C3orf70: variants seen among roughly 807,000 people sequenced by gnomAD.
C3orf70 encodes chromosome 3 open reading frame 70.
Under a neutral mutation model 20.7 loss-of-function variants are expected in C3orf70, and 15 were observed. That is an observed-to-expected ratio of 0.72 (90% CI 0.48 to 1.11). The LOEUF (loss-of-function observed/expected upper bound fraction) is 1.11, where lower values mean the gene tolerates loss of function less well. C3orf70 is among the 50% of genes most tolerant of loss of function. The probability of loss-of-function intolerance (pLI) is 0.00; values close to 1 mark genes in which losing one functional copy is unlikely to be tolerated. For synonymous variants in C3orf70, 161 were observed against 125.7 expected (o/e 1.28, Z -1.88); for missense variants, 332 against 317.6 (o/e 1.05, Z -0.34).
At chr3:185,130,105 A>G (rs1218041376) in intron 1 of C3orf70, among the ~76,000 whole-genome samples, 4 of 152,124 alleles carry the variant, frequency 2.6e-5, no homozygotes, top group African/African-American at 9.7e-5. Context: ...ATGTTTTGTC[A>G]ATTATTCACA....
chr3:185,091,736 G>A (rs1715573928), intron 1 of C3orf70, among the ~76,000 whole-genome samples: 1 of 149,448 alleles, frequency 6.7e-6, no homozygotes, highest in Non-Finnish European at 1.5e-5. Flanking sequence ...GCAGGCTGGA[G>A]TGCAGTGGTG....
chr3:185,124,257 G>A (rs750621526), intron 1 of C3orf70, among the ~76,000 whole-genome samples: 11 of 152,150 alleles, frequency 7.2e-5, no homozygotes, highest in Non-Finnish European at 1.6e-4. Flanking sequence ...TAGGTACCAA[G>A]GAATGACTGT....
chr3:185,083,972 G>C (rs1329145185), intron 1 of C3orf70, among the ~76,000 whole-genome samples: 1 of 152,162 alleles, frequency 6.6e-6, no homozygotes, highest in East Asian at 1.9e-4. Flanking sequence ...ATCACTTTAG[G>C]TCAGGAGTTC....
At chr3:185,152,331 GA>G (rs1020038854) in intron 1 of C3orf70, among the ~76,000 whole-genome samples, 1 of 151,976 alleles carries the variant, frequency 6.6e-6, no homozygotes, top group African/African-American at 2.4e-5. Flanking sequence ...AAAAAGAAAA[GA>G]AAAAAAACCA....
At chr3:185,086,847 C>T (rs1283789536) in intron 1 of C3orf70, among the ~76,000 whole-genome samples, 1 of 152,144 alleles carries the variant, frequency 6.6e-6, no homozygotes. Context: ...AAAAAACAAC[C>T]TTTAGTAATC....
In C3orf70 at chr3:185,083,267, G is replaced by GTGC. The variant is rs747541985; in HGVS notation, c.490_492dup (p.Ala164dup). ...CTCTCTTTTGAAATTAAGGCATCGT[G>GTGC]TGCAGAGACCTCCTCAGGGCTCATT... is the stretch of plus-strand genomic sequence containing the variant. On this transcript the variant is annotated inframe_insertion, in exon 2 of 2. Coordinates refer to ENST00000335012, the MANE Select transcript of C3orf70 (RefSeq NM_001025266.3). 2 of 1,614,206 alleles carry GTGC rather than the reference G, an allele frequency of 1.2e-6. No homozygotes were observed. Among genetic ancestry groups the GTGC allele is most frequent in the South Asian group, 2.2e-5 (2 of 91,086 alleles).
Position 185,114,792 on chromosome 3 carries a change from T to A in C3orf70, c.197-31229A>T, listed in dbSNP as rs1236363465. ...ATGACTTAATAAGCTAACACCAGAA[T>A]CAGATTAAAATCCAGATCTCCAGAC... On this transcript the variant is annotated intron_variant, in intron 1 of 1. Transcript: ENST00000335012. 5.3e-5 allele frequency among the ~76,000 whole-genome samples: 8 copies of A among 152,298 alleles called. No homozygotes were observed. The East Asian group carries it at 1.5e-3, about 29-fold the overall frequency.
At chr3:185,092,916 G>A (rs1174286659) in intron 1 of C3orf70, among the ~76,000 whole-genome samples, 4 of 151,288 alleles carry the variant, frequency 2.6e-5, no homozygotes, top group African/African-American at 2.4e-5. Context: ...GCTTGAACCC[G>A]TAAGGTGGAG....
intron 1 of C3orf70, among the ~76,000 whole-genome samples, chr3:185,092,915 CG>C (rs1346457234): frequency 1.3e-5 from 2 of 151,502 alleles, no homozygotes; most frequent in Non-Finnish European, 2.9e-5. Context: ...CGCTTGAACC[CG>C]TAAGGTGGAG....
chr3:185,149,888 T>C (rs538016323), intron 1 of C3orf70, among the ~76,000 whole-genome samples: 1 of 152,346 alleles, frequency 6.6e-6, no homozygotes, highest in African/African-American at 2.4e-5. Context: ...CAGTCCAGTA[T>C]ACTTGACGTC....
intron 1 of C3orf70, among the ~76,000 whole-genome samples, chr3:185,131,072 C>T (rs902877374): frequency 6.6e-6 from 1 of 152,132 alleles, no homozygotes; most frequent in African/African-American, 2.4e-5. Context: ...TTTATATTCC[C>T]ACCAACAATG....
chr3:185,109,929 C>T (rs1169963483), intron 1 of C3orf70, among the ~76,000 whole-genome samples: 2 of 152,144 alleles, frequency 1.3e-5, no homozygotes, highest in Non-Finnish European at 2.9e-5. Context: ...CACAACGATT[C>T]CTATGGAATC....
At chr3:185,124,420 G>T (rs1288492764) in intron 1 of C3orf70, among the ~76,000 whole-genome samples, 2 of 152,194 alleles carry the variant, frequency 1.3e-5, no homozygotes, top group Admixed American at 1.3e-4. Context: ...TGGAAGACTC[G>T]CACTGCCTGA....
At position 185,078,702 on chromosome 3, in the gene C3orf70, A is replaced by G. The variant is rs1715254486; in HGVS notation, c.*4305T>C. The G allele has an allele frequency of 6.6e-6, 1 of 152,220 alleles. No individual in the cohort carries two copies. The highest frequency in any genetic ancestry group is 2.4e-5 in the African/African-American group (1 of 41,456). 9.4% of individuals were successfully genotyped at this position (152,220 alleles called of 1,614,324 possible). On this transcript the variant is annotated 3_prime_UTR_variant, in exon 2 of 2. Transcript: ENST00000335012. ...CCTCTGGAGAAGGGGACAGAAGAGA[A>G]AACTGTTAAAACTTTGTTTTCCTCA...
intron 1 of C3orf70, among the ~76,000 whole-genome samples, chr3:185,100,877 T>C (rs976259064): frequency 6.6e-6 from 1 of 151,666 alleles, no homozygotes; most frequent in Non-Finnish European, 1.5e-5. Flanking sequence ...CTCACAGAAA[T>C]ACAAATAACC....
chr3:185,116,388 T>C (rs1269822215), intron 1 of C3orf70, among the ~76,000 whole-genome samples: 1 of 152,230 alleles, frequency 6.6e-6, no homozygotes, highest in Non-Finnish European at 1.5e-5. Flanking sequence ...TAGAATGTCA[T>C]ATCTACTCAA....
chr3:185,083,147 C>G lies in C3orf70; in HGVS notation c.613G>C (p.Glu205Gln), dbSNP rs200872353. 4 of 1,614,154 alleles carry G rather than the reference C, an allele frequency of 2.5e-6. No individual in the cohort carries two copies. The highest frequency in any genetic ancestry group is 3.4e-6 in the Non-Finnish European group (4 of 1,180,034). The change falls in exon 2 of 2, where the codon GAG becomes CAG. Residue 205 changes from glutamate (E) to glutamine (Q), a missense_variant. Physicochemically the swap from Glu to Gln is conservative, Grantham distance 29 (BLOSUM62 2). Transcript: ENST00000335012. ...IGAHYVESCD[E>Q]DTEEGAELSS... ...AGTTCTGCTCCTTCTTCTGTGTCCT[C>G]GTCACACGATTCCACATAGTGAGCC...
At chr3:185,111,523 G>A (rs1716072609) in intron 1 of C3orf70, among the ~76,000 whole-genome samples, 1 of 152,160 alleles carries the variant, frequency 6.6e-6, no homozygotes, top group South Asian at 2.1e-4. Flanking sequence ...AAACCGCAAT[G>A]AGCTACCATT....
intron 1 of C3orf70, among the ~76,000 whole-genome samples, chr3:185,149,679 G>C (rs934052297): frequency 4.6e-5 from 7 of 152,196 alleles, no homozygotes; most frequent in African/African-American, 1.7e-4. Context: ...AAAGCATAGA[G>C]AGAATTAATT....
Sources: allele counts gnomAD v4.1 joint callset (sites outside exome capture counted in the v4.1 genomes callset), GRCh38; gene constraint gnomAD v4.1.1; transcripts MANE v1.5; gene names NCBI Gene and HGNC (gene_info 2026-07-23, HGNC 2026-07-21).